THSD7A: variants seen among roughly 807,000 people sequenced by gnomAD.
THSD7A encodes the protein thrombospondin type 1 domain containing 7A.
In THSD7A, 96 loss-of-function variants were observed where a neutral mutation model predicts 231.3. The ratio of observed to expected loss-of-function variants is 0.41; its 90% CI spans 0.35 to 0.49. The LOEUF (loss-of-function observed/expected upper bound fraction) is 0.49, where lower values mean the gene tolerates loss of function less well. Ranked by LOEUF, THSD7A falls within the 20% of genes least tolerant of loss-of-function variation. The pLI is 0.05. For missense variants in THSD7A, 2,290 were observed against 2,070.2 expected, an observed-to-expected ratio of 1.11 and a Z score of -2.06; for synonymous variants, 940 against 743.3, an observed-to-expected ratio of 1.26 and a Z score of -4.30.
At chr7:11,604,587 A>G (rs1435948087) in intron 2 of THSD7A, among the ~76,000 whole-genome samples, 1 of 152,062 alleles carries the variant, frequency 6.6e-6, no homozygotes, top group Non-Finnish European at 1.5e-5. Flanking sequence ...ATTTTTACAG[A>G]CAAGGAAATG....
chr7:11,430,936 A>G (rs1305774588), intron 13 of THSD7A, among the ~76,000 whole-genome samples: 1 of 152,212 alleles, frequency 6.6e-6, no homozygotes. Context: ...GTCTATCATG[A>G]ATAATGCTGC....
intron 1 of THSD7A, among the ~76,000 whole-genome samples, chr7:11,799,391 G>C (rs957462935): frequency 2.0e-5 from 3 of 151,988 alleles, no homozygotes; most frequent in Non-Finnish European, 2.9e-5. Context: ...TAAATCATAA[G>C]GATTTTGATT....
intron 1 of THSD7A, among the ~76,000 whole-genome samples, chr7:11,688,428 G>C (rs1036525193): frequency 6.6e-6 from 1 of 151,748 alleles, no homozygotes; most frequent in South Asian, 2.1e-4. Flanking sequence ...ATCGCTTATA[G>C]CCTAATGGAG....
intron 23 of THSD7A, among the ~76,000 whole-genome samples, chr7:11,387,110 G>A (rs1183215105): frequency 2.6e-5 from 4 of 152,150 alleles, no homozygotes; most frequent in Non-Finnish European, 5.9e-5. Context: ...TTTGGTTACT[G>A]TAGCCTTGTA....
At position 11,664,295 on chromosome 7, in the gene THSD7A, C is replaced by T. The variant is rs549773703; in HGVS notation, c.191-27334G>A. Among the ~76,000 whole-genome samples, 13 of 151,870 alleles carry T rather than the reference C, an allele frequency of 8.6e-5. No individual in the cohort carries two copies. In the East Asian group the frequency reaches 2.1e-3, roughly 25 times the overall value. ...CAGCAAAATAAAATCTACAGCAGTG[C>T]GAATAACAGATGGCTGGGAGTAGAC... On this transcript the variant is annotated intron_variant, in intron 1 of 27. Coordinates refer to ENST00000423059, the MANE Select transcript of THSD7A (RefSeq NM_015204.3).
intron 4 of THSD7A, among the ~76,000 whole-genome samples, chr7:11,586,753 T>C (rs1250311342): frequency 6.6e-6 from 1 of 152,190 alleles, no homozygotes; most frequent in Non-Finnish European, 1.5e-5. Context: ...TTGTTGAGCA[T>C]GAGGAAATGC....
At chr7:11,719,067 T>C (rs979437323) in intron 1 of THSD7A, among the ~76,000 whole-genome samples, 1 of 151,680 alleles carries the variant, frequency 6.6e-6, no homozygotes, top group Non-Finnish European at 1.5e-5. Context: ...TGTGTGTGTA[T>C]GCGCTCATGT....
intron 7 of THSD7A, among the ~76,000 whole-genome samples, chr7:11,476,950 CT>C (rs1254219645): frequency 6.6e-6 from 1 of 152,068 alleles, no homozygotes; most frequent in African/African-American, 2.4e-5. Context: ...TCCTGGACCA[CT>C]TGGAAAAAGA....
chr7:11,830,759 A>G (rs1346370211), intron 1 of THSD7A, among the ~76,000 whole-genome samples: 3 of 152,204 alleles, frequency 2.0e-5, no homozygotes, highest in Admixed American at 2.0e-4. Context: ...GAAGCAGGAA[A>G]AGACACTCAC....
At chr7:11,821,100 C>T in intron 1 of THSD7A, 2 of 1,045,962 alleles carry the variant, frequency 1.9e-6, no homozygotes, top group Non-Finnish European at 1.5e-6. Context: ...TGTCCTGTAA[C>T]TTGTTTTTGG....
intron 4 of THSD7A, among the ~76,000 whole-genome samples, chr7:11,545,182 T>G (rs1242938982): frequency 6.6e-6 from 1 of 152,144 alleles, no homozygotes; most frequent in Non-Finnish European, 1.5e-5. Context: ...TTATGGAAAC[T>G]TTCGGAGTAT....
chr7:11,664,448 T>C (rs1490850607), intron 1 of THSD7A, among the ~76,000 whole-genome samples: 1 of 151,970 alleles, frequency 6.6e-6, no homozygotes, highest in Non-Finnish European at 1.5e-5. Context: ...CATAGGGATG[T>C]TGTGTGTATT....
intron 1 of THSD7A, among the ~76,000 whole-genome samples, chr7:11,817,176 AT>A (rs1784728934): frequency 6.6e-6 from 1 of 152,146 alleles, no homozygotes. Flanking sequence ...CACATAATGC[AT>A]TTCAGGAGAG....
intron 1 of THSD7A, among the ~76,000 whole-genome samples, chr7:11,721,054 T>C (rs1462077230): frequency 2.6e-5 from 4 of 151,816 alleles, no homozygotes; most frequent in Non-Finnish European, 5.9e-5. Context: ...CCTCTCAGGT[T>C]TCTGATTTAA....
At chr7:11,706,924 A>G (rs988559084) in intron 1 of THSD7A, among the ~76,000 whole-genome samples, 1 of 150,648 alleles carries the variant, frequency 6.6e-6, no homozygotes, top group African/African-American at 2.4e-5. Context: ...AGGGTTTTTC[A>G]GCTTGTTATT....
chr7:11,567,190 A>T (rs1265344300), intron 4 of THSD7A, among the ~76,000 whole-genome samples: 3 of 152,136 alleles, frequency 2.0e-5, no homozygotes, highest in African/African-American at 7.2e-5. Context: ...TAATTGACTC[A>T]CAGTTCAGCA....
intron 1 of THSD7A, among the ~76,000 whole-genome samples, chr7:11,649,566 G>C (rs745802496): frequency 6.6e-6 from 1 of 152,018 alleles, no homozygotes; most frequent in Non-Finnish European, 1.5e-5. Flanking sequence ...GGACGATGAT[G>C]AGTGTGTTGG....
intron 1 of THSD7A, among the ~76,000 whole-genome samples, chr7:11,671,539 C>T (rs1046768625): frequency 3.9e-5 from 6 of 152,014 alleles, no homozygotes; most frequent in Admixed American, 6.6e-5. Flanking sequence ...GCTGAATTGT[C>T]GTGAAGTCCA....
At chr7:11,686,904 C>T (rs1051862803) in intron 1 of THSD7A, among the ~76,000 whole-genome samples, 3 of 151,680 alleles carry the variant, frequency 2.0e-5, no homozygotes, top group South Asian at 2.1e-4. Flanking sequence ...CATTCATAAC[C>T]AAAACTTCAG....
Sources: allele counts gnomAD v4.1 joint callset (sites outside exome capture counted in the v4.1 genomes callset), GRCh38; gene constraint gnomAD v4.1.1; transcripts MANE v1.5; gene names NCBI Gene and HGNC (gene_info 2026-07-23, HGNC 2026-07-21).